The following LRRC4B variants were observed in gnomAD, a reference collection of about 807,000 sequenced individuals.
LRRC4B encodes leucine rich repeat containing 4B, also known as leucine-rich repeat-containing protein 4B.
In LRRC4B, 1 loss-of-function variant was observed where a neutral mutation model predicts 7.3. That is an observed-to-expected ratio of 0.14 (90% CI 0.05 to 0.65). The LOEUF (loss-of-function observed/expected upper bound fraction) is 0.65. LRRC4B is among the 30% of genes least tolerant of loss of function. The pLI, the probability that LRRC4B is intolerant of heterozygous loss-of-function variation, is 0.84. For missense variants in LRRC4B, 730 were observed against 1,041.6 expected (o/e 0.70, Z 4.12); for synonymous variants, 500 against 499.2 (o/e 1.00, Z -0.02).
chr19:50,556,146 A>C lies in LRRC4B; in HGVS notation c.-35-7273T>G, dbSNP rs1490025985. 6.6e-6 allele frequency among the ~76,000 whole-genome samples: 1 copy of C among 152,090 alleles called. No homozygotes were observed. Among genetic ancestry groups the C allele is most frequent in the Non-Finnish European group, 1.5e-5 (1 of 67,976 alleles). On this transcript the variant is annotated intron_variant, in intron 1 of 2. Coordinates refer to ENST00000652263, the MANE Select transcript of LRRC4B (RefSeq NM_001080457.2). The surrounding 1 kb of genome is among the most constrained non-coding windows in gnomAD (Gnocchi z 4.2). ...AGGGAAAGGGCAGTCCAGGCCCCCT[A>C]GGAGCTGCTGATGAGGAAGCAGGAC...
At position 50,518,305 on chromosome 19, in the gene LRRC4B, C is replaced by T. The variant is rs1294431299; in HGVS notation, c.1408G>A (p.Gly470Ser). 6.9e-6 allele frequency: 11 copies of T among 1,601,166 alleles called. No individual in the cohort carries two copies. Among genetic ancestry groups the T allele is most frequent in the South Asian group, 6.6e-5 (6 of 90,380 alleles). ...CCAACACCACCACTGCCCCCAGGGC[C>T]GCCCCCGCCGCTGCCGGTGCCCCCG... Reference protein sequence around the residue: ...AAGGTGSGGGGPGGSGGVGGG... With the variant: ...AAGGTGSGGGSPGGSGGVGGG... The change falls in exon 3 of 3, where the codon GGC (glycine) becomes AGC (serine). Residue 470 changes from glycine to serine, a missense_variant. By Grantham distance (56) the Gly-to-Ser change is moderately conservative (BLOSUM62 0). Around this residue, in one of 6 missense-constraint regions of LRRC4B, gnomAD observed 192 missense variants for 228.6 expected, o/e 0.84. Transcript: ENST00000652263.
At chr19:50,561,105 C>T (rs112938684) in intron 1 of LRRC4B, among the ~76,000 whole-genome samples, 4 of 152,100 alleles carry the variant, frequency 2.6e-5, no homozygotes, top group South Asian at 4.2e-4. Flanking sequence ...AAACAAAAAA[C>T]GGTATTTATT....
chr19:50,516,897 T>G lies in LRRC4B; in HGVS notation c.*674A>C, dbSNP rs1277239785. The G allele has an allele frequency of 1.3e-5, 2 of 151,270 alleles. No individual in the cohort carries two copies. Among genetic ancestry groups the G allele is most frequent in the Non-Finnish European group, 2.9e-5 (2 of 67,802 alleles). 9.4% of individuals were successfully genotyped at this position (151,270 alleles called of 1,614,324 possible). ...TTGTTTTCTCTCCTCCGTGCTTTCA[T>G]GACCAAAAAAAATATTTTTTTACTT... On this transcript the variant is annotated 3_prime_UTR_variant, in exon 3 of 3. Transcript: ENST00000652263.
At chr19:50,521,807 G>A (rs1350243759) in intron 2 of LRRC4B, among the ~76,000 whole-genome samples, 1 of 152,058 alleles carries the variant, frequency 6.6e-6, no homozygotes, top group East Asian at 1.9e-4. Flanking sequence ...TGATCTGCCT[G>A]CCTTGGCCTC....
intron 2 of LRRC4B, among the ~76,000 whole-genome samples, chr19:50,521,313 G>T (rs375133000): frequency 6.2e-4 from 94 of 152,246 alleles, no homozygotes; most frequent in African/African-American, 2.2e-3. Context: ...GCTTTCTGGG[G>T]TGATTGAAAG....
chr19:50,521,837 C>T (rs1465074004), intron 2 of LRRC4B, among the ~76,000 whole-genome samples: 1 of 151,764 alleles, frequency 6.6e-6, no homozygotes, highest in African/African-American at 2.4e-5. Context: ...TGGGAAATTA[C>T]AGGCGTGAAC....
chr19:50,541,279 C>T (rs930087245), intron 2 of LRRC4B, among the ~76,000 whole-genome samples: 1 of 147,122 alleles, frequency 6.8e-6, no homozygotes, highest in Non-Finnish European at 1.5e-5. Context: ...GCAGGAGAAT[C>T]GCTTGAACCT....
intron 2 of LRRC4B, among the ~76,000 whole-genome samples, chr19:50,523,820 A>G (rs781233409): frequency 2.0e-5 from 3 of 151,582 alleles, no homozygotes; most frequent in African/African-American, 7.3e-5. Context: ...TTAGTCAGGC[A>G]TGGTGGCAGG....
chr19:50,518,230 G>C lies in LRRC4B; in HGVS notation c.1483C>G (p.Leu495Val). ...GCCTCCTCTCCGGGCTGCGTCTCCA[G>C]GGTCTCCACGGTCACCGTGGTGAAG... ...TYFTTVTVET[L>V]ETQPGEEALQ... Residue 495 changes from leucine to valine, a missense_variant, in exon 3 of 3, where the codon CTG (leucine) becomes GTG (valine). Physicochemically the swap from Leu to Val is conservative, Grantham distance 32 (BLOSUM62 1). Transcript: ENST00000652263. 6.2e-7 allele frequency: 1 copy of C among 1,608,538 alleles called. No individual in the cohort carries two copies. Among genetic ancestry groups the C allele is most frequent in the East Asian group, 2.2e-5 (1 of 44,690 alleles).
intron 1 of LRRC4B, among the ~76,000 whole-genome samples, chr19:50,561,266 C>T (rs1016292122): frequency 1.3e-5 from 2 of 151,910 alleles, no homozygotes; most frequent in African/African-American, 2.4e-5. Context: ...CATGGGATCA[C>T]ATTTGGGGTC....
chr19:50,527,748 TTTTTC>T (rs1274530523), intron 2 of LRRC4B, among the ~76,000 whole-genome samples: 1 of 102,900 alleles, frequency 9.7e-6, no homozygotes, highest in Non-Finnish European at 1.9e-5. Context: ...TTCTTTTCTT[TTTTTC>T]TTTTTTTTTT....
At position 50,568,341 on chromosome 19, in the gene LRRC4B, C is replaced by G. The variant is rs939285397; in HGVS notation, c.-433G>C. ...GCGCCGCTCTCCCCCCACCCCACCC[C>G]CCCCCAGGCCCCGGCCCCGGCCCCG... On this transcript the variant is annotated 5_prime_UTR_variant, in exon 1 of 3. Coordinates refer to ENST00000652263, the MANE Select transcript of LRRC4B (RefSeq NM_001080457.2). Among the ~76,000 whole-genome samples the G allele has an allele frequency of 2.7e-5, 4 of 146,970 alleles. No individual in the cohort carries two copies. The highest frequency in any genetic ancestry group is 6.7e-5 in the Admixed American group (1 of 14,910).
At chr19:50,562,461 G>A (rs751182832) in intron 1 of LRRC4B, among the ~76,000 whole-genome samples, 27 of 152,222 alleles carry the variant, frequency 1.8e-4, no homozygotes, top group Non-Finnish European at 3.4e-4. Context: ...AGTTAGCTAC[G>A]ATCATGGTCA....
In LRRC4B at chr19:50,558,642, G is replaced by A. The variant is rs780973832; in HGVS notation, c.-36+9302C>T. Among the ~76,000 whole-genome samples, 9 of 152,254 alleles carry A rather than the reference G, an allele frequency of 5.9e-5. No homozygotes were observed. The East Asian group carries it at 9.6e-4, about 16-fold the overall frequency. On this transcript the variant is annotated intron_variant, in intron 1 of 2. Transcript: ENST00000652263. ...CCAGCCACACGAGGCTACGGAGCACGTGACGTATGTCGAGAAGGAGCAGGG... is the reference window on the plus strand; with the variant it reads ...CCAGCCACACGAGGCTACGGAGCACATGACGTATGTCGAGAAGGAGCAGGG...
intron 2 of LRRC4B, among the ~76,000 whole-genome samples, chr19:50,546,969 G>A (rs1981843044): frequency 6.6e-6 from 1 of 152,224 alleles, no homozygotes; most frequent in Non-Finnish European, 1.5e-5. Flanking sequence ...GCCTGGCTCG[G>A]TCACCACCCA....
intron 1 of LRRC4B, among the ~76,000 whole-genome samples, chr19:50,564,491 A>T (rs1258533858): frequency 6.6e-6 from 1 of 151,898 alleles, no homozygotes; most frequent in Admixed American, 6.6e-5. Flanking sequence ...TCGAGCAGAG[A>T]CAGAAATAGA....
At chr19:50,554,814 T>G (rs192672828) in intron 1 of LRRC4B, among the ~76,000 whole-genome samples, 123 of 152,342 alleles carry the variant, frequency 8.1e-4, no homozygotes, top group Middle Eastern at 3.4e-3. Context: ...GAGGTACTGT[T>G]AGTTGCCTAA....
At chr19:50,552,616 C>T (rs1289131701) in intron 1 of LRRC4B, among the ~76,000 whole-genome samples, 22 of 124,844 alleles carry the variant, frequency 1.8e-4, no homozygotes, top group African/African-American at 3.2e-4. Flanking sequence ...ATCCATCCAT[C>T]CATCCATCCA....
chr19:50,538,716 G>A (rs1038293092), intron 2 of LRRC4B, among the ~76,000 whole-genome samples: 3 of 151,600 alleles, frequency 2.0e-5, no homozygotes, highest in East Asian at 3.9e-4. Flanking sequence ...CTACAGGTGC[G>A]TGCCACCACA....
Sources: allele counts gnomAD v4.1 joint callset (sites outside exome capture counted in the v4.1 genomes callset), GRCh38; gene constraint gnomAD v4.1.1; regional missense constraint gnomAD v4.1.1; non-coding constraint Gnocchi (gnomAD v3.1); transcripts MANE v1.5; gene names NCBI Gene and HGNC (gene_info 2026-07-23, HGNC 2026-07-21).